Variants in FAT3 observed in about 807,000 individuals in gnomAD.
FAT3 encodes the protein FAT atypical cadherin 3.
In FAT3, 95 loss-of-function variants were observed where a neutral mutation model predicts 310.2. That is an observed-to-expected ratio of 0.31 (90% CI 0.26 to 0.36). The LOEUF (loss-of-function observed/expected upper bound fraction) is 0.36, where lower values mean the gene tolerates loss of function less well. Among genes scored for constraint, FAT3 ranks in the 10% least tolerant of loss-of-function variants. The pLI is 1.00. For missense variants in FAT3, 5,408 were observed against 5,715.6 expected, an observed-to-expected ratio of 0.95 and a Z score of 1.74; for synonymous variants, 2,314 against 2,192.9, an observed-to-expected ratio of 1.06 and a Z score of -1.54.
rs1947469041 is a variant in FAT3 at position 92,805,184 on chromosome 11, C to T, written c.8928C>T (p.Gly2976=). The change falls in exon 11 of 28, where the codon GGC becomes GGT. Residue 2976 remains glycine (G), a synonymous_variant. Transcript: ENST00000525166. ...GGNPRGRFAL[G]LVQSEWKVYV... is the part of the protein sequence containing the mutation. ...ACCCTCGAGGAAGGTTTGCTCTGGG[C>T]CTGGTGCAAAGTGAGTGGAAGGTCT... 9.3e-6 allele frequency: 15 copies of T among 1,612,770 alleles called. No individual in the cohort carries two copies. In the African/African-American group the frequency reaches 1.6e-4, roughly 17 times the overall value.
chr11:92,850,761 G>A (rs1016246031), intron 19 of FAT3, among the ~76,000 whole-genome samples: 5 of 152,162 alleles, frequency 3.3e-5, no homozygotes, highest in Non-Finnish European at 7.4e-5. Context: ...TGAAATATTG[G>A]CTAAAAGCAG....
intron 6 of FAT3, among the ~76,000 whole-genome samples, chr11:92,765,983 T>G (rs192585510): frequency 2.9e-4 from 44 of 151,696 alleles, no homozygotes; most frequent in Admixed American, 5.3e-4. Context: ...ATCAGGAGAG[T>G]CCCCTGGCTG....
Position 92,800,296 on chromosome 11 carries a change from G to A in FAT3, c.7283G>A (p.Arg2428Gln), listed in dbSNP as rs373040341. 52 of 1,613,668 alleles carry A rather than the reference G, an allele frequency of 3.2e-5. No homozygotes were observed. The highest frequency in any genetic ancestry group is 6.7e-5 in the East Asian group (3 of 44,872). ...GATGCAGACAGCTCTGATTTTGACC[G>A]GTTGGAATATAGCATTTTATCTGGG... ...ASDADSSDFDRLEYSILSGND... is the reference protein window; with the variant it reads ...ASDADSSDFDQLEYSILSGND... The change falls in exon 10 of 28, where the codon CGG becomes CAG. Residue 2428 changes from arginine to glutamine, a missense_variant. Arg to Gln is a conservative substitution (Grantham distance 43). Transcript: ENST00000525166.
rs1226705055 is a variant in FAT3 at position 92,801,615 on chromosome 11, A to G, written c.8602A>G (p.Ile2868Val). Residue 2868 changes from isoleucine to valine, a missense_variant, in exon 10 of 28, where the codon ATT (isoleucine) becomes GTT (valine). Ile to Val is a conservative substitution (Grantham distance 29, BLOSUM62 3). Coordinates refer to ENST00000525166, the MANE Select transcript of FAT3 (RefSeq NM_001367949.2). ...QPEKVMEAFN[I>V]DSNTGWISTL... ...CGAAAAGGTAATGGAAGCATTCAATATTGACAGCAACACGGGCTGGATCAG... is the reference window on the plus strand; with the variant it reads ...CGAAAAGGTAATGGAAGCATTCAATGTTGACAGCAACACGGGCTGGATCAG... 1.2e-6 allele frequency: 2 copies of G among 1,613,552 alleles called. No individual in the cohort carries two copies. Among genetic ancestry groups the G allele is most frequent in the Middle Eastern group, 1.6e-4 (1 of 6,062 alleles).
At chr11:92,356,139 G>T (rs564256683) in intron 2 of FAT3, among the ~76,000 whole-genome samples, 37 of 152,228 alleles carry the variant, frequency 2.4e-4, no homozygotes, top group African/African-American at 8.7e-4. Flanking sequence ...TACAGATACA[G>T]GTTTTTTAAA....
intron 3 of FAT3, among the ~76,000 whole-genome samples, chr11:92,572,107 G>C (rs898300652): frequency 2.6e-5 from 4 of 152,154 alleles, no homozygotes; most frequent in Admixed American, 2.6e-4. Flanking sequence ...ATTCCTGTGA[G>C]TGTGAAAAAG....
chr11:92,666,375 G>T (rs965521521), intron 3 of FAT3, among the ~76,000 whole-genome samples: 3 of 142,918 alleles, frequency 2.1e-5, no homozygotes, highest in African/African-American at 2.7e-5. Flanking sequence ...TTTTTGAGAC[G>T]GAATCTCGCT....
chr11:92,431,372 T>A (rs1270900922), intron 2 of FAT3, among the ~76,000 whole-genome samples: 1 of 152,148 alleles, frequency 6.6e-6, no homozygotes, highest in African/African-American at 2.4e-5. Flanking sequence ...GTTTTTTTCT[T>A]GTAAATTTGT....
At chr11:92,751,056 A>C (rs2136053229) in intron 4 of FAT3, among the ~76,000 whole-genome samples, 1 of 152,328 alleles carries the variant, frequency 6.6e-6, no homozygotes, top group Non-Finnish European at 1.5e-5. Context: ...TATAATTGCC[A>C]TCCCTGCACA....
At chr11:92,430,741 A>G (rs1477691397) in intron 2 of FAT3, among the ~76,000 whole-genome samples, 2 of 142,876 alleles carry the variant, frequency 1.4e-5, no homozygotes, top group East Asian at 4.3e-4. Context: ...ATTCCCACCT[A>G]TGAGTGAGAA....
intron 4 of FAT3, among the ~76,000 whole-genome samples, chr11:92,747,684 T>G (rs1473701029): frequency 2.0e-5 from 3 of 152,212 alleles, no homozygotes; most frequent in African/African-American, 7.2e-5. Context: ...TGGAATGTTT[T>G]GCTGCTTAGA....
chr11:92,372,919 C>T (rs1213810786), intron 2 of FAT3, among the ~76,000 whole-genome samples: 8 of 152,174 alleles, frequency 5.3e-5, no homozygotes, highest in East Asian at 3.9e-4. Flanking sequence ...CTCAGCCTCC[C>T]GAAGTGCTGG....
chr11:92,844,814 C>G, intron 19 of FAT3, 82 bp downstream of exon 19: 1 of 1,362,312 alleles, frequency 7.3e-7, no homozygotes, highest in Non-Finnish European at 9.8e-7. Context: ...TGCCTGCATT[C>G]AATCATTCGT....
rs11019956 is a variant in FAT3 at position 92,434,940 on chromosome 11, C to T, written c.3292+79536C>T. Among the ~76,000 whole-genome samples the T allele has an allele frequency of 4.8e-4, 73 of 152,246 alleles. No homozygotes were observed. In the East Asian group the frequency reaches 0.012, roughly 25 times the overall value. On this transcript the variant is annotated intron_variant, in intron 2 of 27. Transcript: ENST00000525166. ...ATCAACTCCAATGGGAATGGAACCA[C>T]GTTCAGCTGGCTGAAGAAGAGACCT...
intron 4 of FAT3, among the ~76,000 whole-genome samples, chr11:92,705,833 T>C (rs1944319928): frequency 1.0e-5 from 1 of 96,616 alleles, no homozygotes; most frequent in East Asian, 3.5e-4. Context: ...GTGGTGGTGA[T>C]GGTGGTGGTG....
intron 1 of FAT3, among the ~76,000 whole-genome samples, chr11:92,298,168 C>G (rs1946899224): frequency 6.6e-6 from 1 of 152,088 alleles, no homozygotes; most frequent in African/African-American, 2.4e-5. Context: ...GAGAGGAGAT[C>G]TGAGCAGGGG....
chr11:92,767,074 C>T (rs960086432), intron 6 of FAT3, among the ~76,000 whole-genome samples: 1 of 152,018 alleles, frequency 6.6e-6, no homozygotes, highest in Non-Finnish European at 1.5e-5. Context: ...CATGGCGAAA[C>T]CCCATCTCTA....
rs1565206851 is a variant in FAT3, at chr11:92,293,553, A to ATATATATATATAT, written c.-17-58543_-17-58542insTATATATATATAT. Among the ~76,000 whole-genome samples the ATATATATATATAT allele has an allele frequency of 1.1e-3, 17 of 16,114 alleles. 1 individual carries two copies. The highest frequency in any genetic ancestry group is 2.4e-3 in the African/African-American group (16 of 6,782). The allele number at this position is 16,114 out of a possible 152,430, so 10.6% of individuals were successfully genotyped here. On this transcript the variant is annotated intron_variant, in intron 1 of 27. Transcript: ENST00000525166. ...ATATATATATATATATATATATATA[A>ATATATATATATAT]ATAAAATATATTCCTTCCAATTTCA...
At chr11:92,495,953 A>G (rs1952744030) in intron 2 of FAT3, among the ~76,000 whole-genome samples, 2 of 152,082 alleles carry the variant, frequency 1.3e-5, no homozygotes, top group South Asian at 4.1e-4. Context: ...AGTGTTAGCT[A>G]TTTATTTTGG....
Sources: gnomAD v4.1 joint callset for allele counts (sites outside exome capture counted in the v4.1 genomes callset) on GRCh38, gnomAD v4.1.1 for gene constraint, MANE v1.5 for transcripts, NCBI Gene and HGNC (gene_info 2026-07-23, HGNC 2026-07-21) for gene names.